Variants in BIRC6 observed in about 807,000 individuals in gnomAD.
The protein encoded by BIRC6 is dual E2 ubiquitin-conjugating enzyme/E3 ubiquitin-protein ligase BIRC6.
BIRC6 carries 98 observed loss-of-function variants against 503.3 expected under a neutral mutation model. The ratio of observed to expected loss-of-function variants is 0.19; its 90% CI spans 0.17 to 0.23. BIRC6 has a LOEUF of 0.23. BIRC6 is among the 10% of genes least tolerant of loss of function. BIRC6 has a pLI of 1.00. For synonymous variants in BIRC6, 2,240 were observed against 2,078.7 expected, an observed-to-expected ratio of 1.08 and a Z score of -2.11; for missense variants, 5,360 against 5,806.0, an observed-to-expected ratio of 0.92 and a Z score of 2.50.
At position 32,591,182 on chromosome 2, in the gene BIRC6, C is replaced by A. The variant is rs558833331; in HGVS notation, c.13356-2733C>A. Among the ~76,000 whole-genome samples the A allele has an allele frequency of 6.6e-4, 101 of 152,044 alleles. 1 individual carries two copies. The highest frequency in any genetic ancestry group is 1.2e-3 in the Non-Finnish European group (83 of 68,018). On this transcript the variant is annotated intron_variant, in intron 66 of 73. Coordinates refer to ENST00000421745, the MANE Select transcript of BIRC6 (RefSeq NM_016252.4). The stretch of plus-strand genomic sequence containing the variant: ...TTTTTTTCGGTGTGTTTTTGTCAGA[C>A]TATTCAAGTAAAGATTTCTCATTAG...
At chr2:32,484,365 A>T (rs555819837) in intron 39 of BIRC6, among the ~76,000 whole-genome samples, 53 of 152,218 alleles carry the variant, frequency 3.5e-4, no homozygotes, top group Non-Finnish European at 6.6e-4. Context: ...CAGCCTGGCC[A>T]ACATGGTGAA....
At chr2:32,499,074 A>G (rs982423991) in intron 45 of BIRC6, among the ~76,000 whole-genome samples, 7 of 152,200 alleles carry the variant, frequency 4.6e-5, no homozygotes, top group Non-Finnish European at 7.3e-5. Context: ...TCAGCATTCT[A>G]TATCTTAGGC....
intron 3 of BIRC6, among the ~76,000 whole-genome samples, chr2:32,380,581 G>A (rs2037475480): frequency 6.6e-6 from 1 of 152,060 alleles, no homozygotes; most frequent in South Asian, 2.1e-4. Context: ...ACTAAAATTA[G>A]CCAGGCGTGG....
intron 46 of BIRC6, among the ~76,000 whole-genome samples, chr2:32,500,980 G>A (rs1266897597): frequency 6.6e-6 from 1 of 151,662 alleles, no homozygotes; most frequent in Non-Finnish European, 1.5e-5. Context: ...ACATCATTTT[G>A]TGTTGAAGAC....
rs61599835 is a variant in BIRC6 at position 32,571,378 on chromosome 2, C to CTTTTTTTT, written c.13145-3761_13145-3754dup. 3.7e-3 allele frequency among the ~76,000 whole-genome samples: 76 copies of CTTTTTTTT among 20,306 alleles called. 4 individuals carry two copies. The highest frequency in any genetic ancestry group is 8.9e-3 in the East Asian group (5 of 562). 13.3% of individuals were successfully genotyped at this position (20,306 alleles called of 152,430 possible). ...GGCTGTGAATTCATGTGGTCCTGGG[C>CTTTTTTTT]TTTTTTTTTTTTTTTTTTTTTTTTG... On this transcript the variant is annotated intron_variant, in intron 65 of 73. Transcript: ENST00000421745.
chr2:32,545,309 G>T (rs1268351309), intron 62 of BIRC6, among the ~76,000 whole-genome samples: 1 of 152,016 alleles, frequency 6.6e-6, no homozygotes, highest in Non-Finnish European at 1.5e-5. Context: ...CTTTCTTACT[G>T]TTGTAAGATA....
At chr2:32,449,943 C>T (rs758502390) in intron 22 of BIRC6, among the ~76,000 whole-genome samples, 1 of 152,206 alleles carries the variant, frequency 6.6e-6, no homozygotes, top group Non-Finnish European at 1.5e-5. Context: ...TTGCCTTACA[C>T]GCATCTCACC....
At chr2:32,583,923 A>G (rs906862802) in intron 66 of BIRC6, among the ~76,000 whole-genome samples, 3 of 152,056 alleles carry the variant, frequency 2.0e-5, no homozygotes, top group African/African-American at 7.2e-5. Context: ...GTAGAGACGG[A>G]GGTTCGCCAT....
intron 2 of BIRC6, 129 bp from the exon 3 acceptor site, chr2:32,380,024 G>T: frequency 1.9e-6 from 1 of 533,244 alleles, no homozygotes; most frequent in Non-Finnish European, 3.1e-6. Context: ...TTTGTTAAAA[G>T]GTAAGTTTAG....
intron 65 of BIRC6, among the ~76,000 whole-genome samples, chr2:32,563,034 T>A (rs1281380750): frequency 6.6e-6 from 1 of 152,236 alleles, no homozygotes; most frequent in Admixed American, 6.5e-5. Flanking sequence ...CCTCTGACTT[T>A]GTTCTTCAAT....
At chr2:32,520,578 G>A (rs1380264265) in intron 57 of BIRC6, among the ~76,000 whole-genome samples, 1 of 152,152 alleles carries the variant, frequency 6.6e-6, no homozygotes, top group Non-Finnish European at 1.5e-5. Context: ...AGCACTTTGC[G>A]AGGCCAAGGC....
intron 8 of BIRC6, among the ~76,000 whole-genome samples, chr2:32,403,014 G>C (rs116301510): frequency 6.6e-6 from 1 of 152,132 alleles, no homozygotes. Context: ...CTTGAGTTGA[G>C]GTAATCTCTA....
Position 32,400,147 on chromosome 2 carries a change from C to T in BIRC6, c.1035-1016C>T, listed in dbSNP as rs544875280. ...GTTTTTAATTTAACATTTCTTCTCG[C>T]TCAGTAAGCATTTATTTGAAAGAAG... On this transcript the variant is annotated intron_variant, in intron 6 of 73. Transcript: ENST00000421745. 6.2e-4 allele frequency among the ~76,000 whole-genome samples: 94 copies of T among 152,020 alleles called. 1 individual carries two copies. The highest frequency in any genetic ancestry group is 1.8e-3 in the African/African-American group (76 of 41,458).
chr2:32,510,242 C>G (rs1019437955), intron 52 of BIRC6, among the ~76,000 whole-genome samples: 10 of 152,276 alleles, frequency 6.6e-5, no homozygotes, highest in Admixed American at 5.2e-4. Context: ...CCACACCCGG[C>G]TAATTTTTGT....
At chr2:32,519,244 A>G in intron 57 of BIRC6, 1 of 253,286 alleles carries the variant, frequency 3.9e-6, no homozygotes, top group Non-Finnish European at 7.8e-6. Context: ...ATTTTATACT[A>G]GATTAATTGC....
intron 66 of BIRC6, among the ~76,000 whole-genome samples, chr2:32,592,908 T>G (rs879450983): frequency 6.6e-6 from 1 of 152,180 alleles, no homozygotes; most frequent in Admixed American, 6.5e-5. Flanking sequence ...TTGTTAAGGA[T>G]TCTTCTACTG....
chr2:32,612,147 C>T (rs1261939456), intron 73 of BIRC6, among the ~76,000 whole-genome samples: 2 of 152,194 alleles, frequency 1.3e-5, no homozygotes, highest in African/African-American at 2.4e-5. Context: ...GAATTATAGG[C>T]ATGAGCAACC....
intron 65 of BIRC6, among the ~76,000 whole-genome samples, chr2:32,553,858 A>G (rs2058607427): frequency 1.3e-5 from 2 of 152,220 alleles, no homozygotes; most frequent in Non-Finnish European, 2.9e-5. Flanking sequence ...CTTATTGCTT[A>G]CTAAAATAAA....
chr2:32,608,106 G>C (rs1253993132), intron 72 of BIRC6, among the ~76,000 whole-genome samples: 3 of 149,112 alleles, frequency 2.0e-5, no homozygotes, highest in Non-Finnish European at 3.0e-5. Flanking sequence ...AATAAGTCTG[G>C]ACAATATAGC....
Sources: gnomAD v4.1 joint callset for allele counts (sites outside exome capture counted in the v4.1 genomes callset) on GRCh38, gnomAD v4.1.1 for gene constraint, MANE v1.5 for transcripts, NCBI Gene and HGNC (gene_info 2026-07-23, HGNC 2026-07-21) for gene names.